THSD7A: variants seen among roughly 807,000 people sequenced by gnomAD.
THSD7A encodes the protein thrombospondin type 1 domain containing 7A, also known as thrombospondin type-1 domain-containing protein 7A.
THSD7A carries 96 observed loss-of-function variants against 231.3 expected under a neutral mutation model. That is an observed-to-expected ratio of 0.41 (90% CI 0.35 to 0.49). The LOEUF is 0.49. Ranked by LOEUF, THSD7A falls within the 20% of genes least tolerant of loss-of-function variation. The pLI is 0.05. For missense variants in THSD7A, 2,290 were observed against 2,070.2 expected, an observed-to-expected ratio of 1.11 and a Z score of -2.06; for synonymous variants, 940 against 743.3, an observed-to-expected ratio of 1.26 and a Z score of -4.30.
In THSD7A at chr7:11,814,238, T is replaced by C. The variant is rs1784615296; in HGVS notation, c.190+17519A>G. Among the ~76,000 whole-genome samples the C allele has an allele frequency of 6.6e-6, 1 of 152,170 alleles. No individual in the cohort carries two copies. Among genetic ancestry groups the C allele is most frequent in the Non-Finnish European group, 1.5e-5 (1 of 68,028 alleles). The stretch of plus-strand genomic sequence containing the variant: ...AAGTCTGTGGATATGCTAAAAGCCA[T>C]TGAATTGTATGCTTTAAATGGGTGA... On this transcript the variant is annotated intron_variant, in intron 1 of 27. Coordinates refer to ENST00000423059, the MANE Select transcript of THSD7A (RefSeq NM_015204.3). The surrounding 1 kb of genome is among the most constrained non-coding windows in gnomAD (Gnocchi z 5.1).
chr7:11,496,264 G>A (rs371573715), intron 6 of THSD7A, among the ~76,000 whole-genome samples: 1 of 152,176 alleles, frequency 6.6e-6, no homozygotes, highest in African/African-American at 2.4e-5. Flanking sequence ...TAAAACCATG[G>A]AAGTTGATTA....
rs991273577 is a variant in THSD7A, at chr7:11,748,102, C to T, written c.190+83655G>A. Among the ~76,000 whole-genome samples, 9 of 151,884 alleles carry T rather than the reference C, an allele frequency of 5.9e-5. No homozygotes were observed. In the East Asian group the frequency reaches 1.6e-3, roughly 26 times the overall value. On this transcript the variant is annotated intron_variant, in intron 1 of 27. Transcript: ENST00000423059. ...ATTTCTTGTATTTTTAAAGAGCAGC[C>T]CAGCACAGTGTCAAGACAAAGAGGC...
intron 1 of THSD7A, among the ~76,000 whole-genome samples, chr7:11,770,206 C>T (rs997169272): frequency 6.6e-6 from 1 of 151,922 alleles, no homozygotes; most frequent in African/African-American, 2.4e-5. Context: ...ATTTAAAGAT[C>T]TATTTAATAA....
rs759964405 is a variant in THSD7A at position 11,382,506 on chromosome 7, A to G, written c.4507+15T>C. On this transcript the variant is annotated intron_variant, in intron 24 of 27. Coordinates refer to ENST00000423059, the MANE Select transcript of THSD7A (RefSeq NM_015204.3). ...AGGAAGATTTTCAAAGGACAAAGAG[A>G]AACTGGAGGTTTACCTGTTACATTT... The G allele has an allele frequency of 1.3e-6, 2 of 1,597,568 alleles. No individual in the cohort carries two copies. Among genetic ancestry groups the G allele is most frequent in the Non-Finnish European group, 1.7e-6 (2 of 1,166,168 alleles).
chr7:11,564,285 G>A (rs555682024), intron 4 of THSD7A, among the ~76,000 whole-genome samples: 56 of 152,318 alleles, frequency 3.7e-4, no homozygotes, highest in Admixed American at 3.6e-3. Flanking sequence ...TGAGGAGGGA[G>A]TTATCACGTG....
chr7:11,718,361 G>T (rs549635239), intron 1 of THSD7A, among the ~76,000 whole-genome samples: 8 of 151,558 alleles, frequency 5.3e-5, no homozygotes, highest in African/African-American at 1.9e-4. Flanking sequence ...TTGATCTATG[G>T]TTATTTCATT....
chr7:11,493,769 G>A (rs1786991012), intron 6 of THSD7A, among the ~76,000 whole-genome samples: 1 of 152,022 alleles, frequency 6.6e-6, no homozygotes, highest in Non-Finnish European at 1.5e-5. Context: ...AGAGCCATAA[G>A]TAAACCAGAC....
At chr7:11,724,801 G>A (rs1222617413) in intron 1 of THSD7A, among the ~76,000 whole-genome samples, 1 of 151,898 alleles carries the variant, frequency 6.6e-6, no homozygotes, top group African/African-American at 2.4e-5. Context: ...AGAAACATAT[G>A]TATAAGTAGA....
intron 8 of THSD7A, among the ~76,000 whole-genome samples, chr7:11,472,256 C>G (rs996876021): frequency 6.6e-6 from 1 of 152,018 alleles, no homozygotes; most frequent in South Asian, 2.1e-4. Flanking sequence ...GATTTCCCCC[C>G]AAATCTTATT....
intron 6 of THSD7A, among the ~76,000 whole-genome samples, chr7:11,521,555 T>C (rs1273068051): frequency 7.0e-6 from 1 of 143,442 alleles, no homozygotes; most frequent in Admixed American, 6.9e-5. Flanking sequence ...GTTAGTTACA[T>C]ATGTATACAT....
At chr7:11,426,735 A>G (rs1784332800) in intron 14 of THSD7A, 64 bp from the exon 15 acceptor site, 3 of 1,480,962 alleles carry the variant, frequency 2.0e-6, no homozygotes, top group Non-Finnish European at 2.7e-6. Context: ...AAATGTCAGT[A>G]TGCTATGAGA....
chr7:11,524,369 G>C (rs1788388107), intron 6 of THSD7A, among the ~76,000 whole-genome samples: 1 of 152,072 alleles, frequency 6.6e-6, no homozygotes, highest in South Asian at 2.1e-4. Context: ...ACAGAGCTTG[G>C]TATCTTTTTG....
rs566209895 is a variant in THSD7A at position 11,799,938 on chromosome 7, T to C, written c.190+31819A>G. Among the ~76,000 whole-genome samples the C allele has an allele frequency of 3.9e-5, 6 of 152,322 alleles. No homozygotes were observed. The South Asian group carries it at 1.2e-3, about 32-fold the overall frequency. On this transcript the variant is annotated intron_variant, in intron 1 of 27. Coordinates refer to ENST00000423059, the MANE Select transcript of THSD7A (RefSeq NM_015204.3). ...TTAATTAGCAACCAAATTGTAGATT[T>C]TGCTACTGTAGCGCACACATTTAAA...
chr7:11,721,688 C>T (rs1781359421), intron 1 of THSD7A, among the ~76,000 whole-genome samples: 1 of 151,862 alleles, frequency 6.6e-6, no homozygotes, highest in African/African-American at 2.4e-5. Context: ...AGTATTTCTC[C>T]CCTTTAATTC....
intron 4 of THSD7A, among the ~76,000 whole-genome samples, chr7:11,554,564 T>C (rs551601884): frequency 6.6e-6 from 1 of 152,208 alleles, no homozygotes; most frequent in South Asian, 2.1e-4. Flanking sequence ...ATTATGTTTT[T>C]AGTCTGTTAA....
intron 11 of THSD7A, 117 bp from the exon 12 acceptor site, chr7:11,447,541 T>G: frequency 2.5e-6 from 2 of 815,118 alleles, no homozygotes; most frequent in South Asian, 4.2e-5. Flanking sequence ...AGTTCCTTAC[T>G]TACAGTAGAA....
intron 2 of THSD7A, among the ~76,000 whole-genome samples, chr7:11,612,118 T>C (rs956620579): frequency 3.9e-5 from 6 of 152,112 alleles, no homozygotes; most frequent in African/African-American, 1.4e-4. Context: ...GGATTCCGTG[T>C]CCCTCCAAAG....
intron 1 of THSD7A, among the ~76,000 whole-genome samples, chr7:11,670,075 G>A (rs139268362): frequency 1.2e-4 from 18 of 152,176 alleles, no homozygotes; most frequent in East Asian, 3.9e-4. Context: ...TTTAACAGGC[G>A]TGCAAAAAAA....
At chr7:11,675,832 G>A (rs767463717) in intron 1 of THSD7A, among the ~76,000 whole-genome samples, 13 of 152,184 alleles carry the variant, frequency 8.5e-5, no homozygotes, top group Admixed American at 3.3e-4. Context: ...GCGGCTGTGG[G>A]TGCAGCTTCA....
Sources: allele counts gnomAD v4.1 joint callset (sites outside exome capture counted in the v4.1 genomes callset), GRCh38; gene constraint gnomAD v4.1.1; non-coding constraint Gnocchi (gnomAD v3.1); transcripts MANE v1.5; gene names NCBI Gene and HGNC (gene_info 2026-07-23, HGNC 2026-07-21).